The following SLC9B1 variants were observed in gnomAD, a reference collection of about 807,000 sequenced individuals.
SLC9B1 encodes the protein solute carrier family 9 member B1.
Under a neutral mutation model 51.7 loss-of-function variants are expected in SLC9B1, and 32 were observed. The ratio of observed to expected loss-of-function variants is 0.62; its 90% CI spans 0.47 to 0.83. The LOEUF is 0.83. SLC9B1 is among the 40% of genes least tolerant of loss of function. SLC9B1 has a pLI of 0.00. For missense variants in SLC9B1, 406 were observed against 613.2 expected, an observed-to-expected ratio of 0.66 and a Z score of 3.57; for synonymous variants, 145 against 212.7, an observed-to-expected ratio of 0.68 and a Z score of 2.77.
At chr4:102,936,521 T>G (rs1337141831) in intron 6 of SLC9B1, among the ~76,000 whole-genome samples, 1 of 152,140 alleles carries the variant, frequency 6.6e-6, no homozygotes, top group Admixed American at 6.5e-5. Flanking sequence ...TAAGATGACA[T>G]AAGAGCTGAA....
chr4:103,009,634 T>G (rs1026853972), intron 1 of SLC9B1, among the ~76,000 whole-genome samples: 4 of 152,236 alleles, frequency 2.6e-5, no homozygotes, highest in Admixed American at 2.6e-4. Flanking sequence ...ATATAGTCTA[T>G]TCTCTTATCT....
At chr4:102,941,638 T>G (rs1485440821) in intron 6 of SLC9B1, among the ~76,000 whole-genome samples, 2 of 36,158 alleles carry the variant, frequency 5.5e-5, no homozygotes, top group Non-Finnish European at 8.5e-5. Flanking sequence ...AGACTCCGTC[T>G]CAAAAAAAAA....
Position 102,932,309 on chromosome 4 carries a change from A to G in SLC9B1, c.654-10T>C. On this transcript the variant is annotated splice_polypyrimidine_tract_variant and intron_variant, in intron 6 of 11. Transcript: ENST00000296422. Reference sequence around the variant, plus strand: ...AGCACCTAGAACAAAACTGAAAGAAAGAATGAAAATTAATTTAAAAGCATC... The same window carrying G: ...AGCACCTAGAACAAAACTGAAAGAAGGAATGAAAATTAATTTAAAAGCATC... The G allele has an allele frequency of 6.2e-7, 1 of 1,607,162 alleles. No individual in the cohort carries two copies. The highest frequency in any genetic ancestry group is 8.5e-7 in the Non-Finnish European group (1 of 1,177,222).
intron 3 of SLC9B1, among the ~76,000 whole-genome samples, chr4:102,984,052 G>T (rs572683891): frequency 2.0e-5 from 3 of 151,662 alleles, no homozygotes; most frequent in Admixed American, 2.0e-4. Flanking sequence ...CATTGCTTTT[G>T]CTGCATCCCA....
At chr4:102,904,030 T>C (rs1734908684) in intron 11 of SLC9B1, among the ~76,000 whole-genome samples, 1 of 152,020 alleles carries the variant, frequency 6.6e-6, no homozygotes, top group South Asian at 2.1e-4. Flanking sequence ...AAAGTATTTT[T>C]TAAAAAATCA....
Position 103,019,657 on chromosome 4 carries a change from T to G in SLC9B1, c.-60A>C, listed in dbSNP as rs1009468029. The G allele has an allele frequency of 8.1e-5, 80 of 985,374 alleles. No individual in the cohort carries two copies. The highest frequency in any genetic ancestry group is 1.3e-5 in the Non-Finnish European group (11 of 829,962). 61.0% of individuals were successfully genotyped at this position (985,374 alleles called of 1,614,324 possible). A position where few individuals can be genotyped will look rare whatever the true frequency, so the allele number is the denominator to read the frequency against. ...GAGCGGCCCAGGAGCCCAGTGACCGTTGCGTAAGCCACGCGCCACCCAGGT... is the reference window on the plus strand; with the variant it reads ...GAGCGGCCCAGGAGCCCAGTGACCGGTGCGTAAGCCACGCGCCACCCAGGT... On this transcript the variant is annotated 5_prime_UTR_variant, in exon 1 of 12. Transcript: ENST00000296422.
intron 11 of SLC9B1, among the ~76,000 whole-genome samples, chr4:102,901,843 T>C (rs1326759168): frequency 6.6e-6 from 1 of 152,210 alleles, no homozygotes; most frequent in Non-Finnish European, 1.5e-5. Flanking sequence ...GTTTGAATTC[T>C]ATTTTTGCTG....
intron 3 of SLC9B1, among the ~76,000 whole-genome samples, chr4:102,955,809 AAAC>A (rs1737755860): frequency 1.3e-5 from 2 of 151,366 alleles, no homozygotes; most frequent in Admixed American, 6.6e-5. Context: ...AGAGAGAGAG[AAAC>A]AACAAACAAA....
intron 7 of SLC9B1, among the ~76,000 whole-genome samples, chr4:102,926,709 G>T (rs991217666): frequency 6.6e-6 from 1 of 152,056 alleles, no homozygotes; most frequent in Non-Finnish European, 1.5e-5. Flanking sequence ...TCCCCATCAA[G>T]CTACTAATGA....
intron 3 of SLC9B1, among the ~76,000 whole-genome samples, chr4:102,972,285 A>C (rs1226995152): frequency 6.6e-6 from 1 of 152,232 alleles, no homozygotes; most frequent in Non-Finnish European, 1.5e-5. Context: ...CAAAGAGCTT[A>C]ACCACCACTA....
intron 5 of SLC9B1, among the ~76,000 whole-genome samples, chr4:102,945,663 G>T (rs1306646744): frequency 6.6e-6 from 1 of 151,980 alleles, no homozygotes; most frequent in African/African-American, 2.4e-5. Flanking sequence ...TTTTTGATAT[G>T]AACTGTTTGA....
rs754801733 is a variant in SLC9B1, at chr4:102,937,412, T to TA, written c.654-5114dup. 8.6e-3 allele frequency among the ~76,000 whole-genome samples: 387 copies of TA among 45,232 alleles called. 4 individuals carry two copies. Among genetic ancestry groups the TA allele is most frequent in the African/African-American group, 0.025 (216 of 8,642 alleles). 29.7% of individuals were successfully genotyped at this position (45,232 alleles called of 152,430 possible). On this transcript the variant is annotated intron_variant, in intron 6 of 11. Transcript: ENST00000296422. The stretch of plus-strand genomic sequence containing the variant: ...CACCATGCCTGGCCTTCAGCATTCT[T>TA]AAAAAAAAAAAAAAAAAAAAAAAAA...
intron 9 of SLC9B1, among the ~76,000 whole-genome samples, chr4:102,908,144 G>A (rs1735144934): frequency 6.6e-6 from 1 of 152,306 alleles, no homozygotes; most frequent in South Asian, 2.1e-4. Context: ...AAACTGCAGT[G>A]ATTTAAAACA....
chr4:102,889,009 T>C (rs1415936655), intron 11 of SLC9B1: 1 of 152,114 alleles, frequency 6.6e-6, no homozygotes. Flanking sequence ...TAAAACTAAT[T>C]GTTATTGGGC....
chr4:102,951,115 A>G (rs1737532229), intron 3 of SLC9B1, among the ~76,000 whole-genome samples: 1 of 152,222 alleles, frequency 6.6e-6, no homozygotes, highest in Non-Finnish European at 1.5e-5. Context: ...TCTGGGTGGC[A>G]AAGTCTTTTT....
intron 3 of SLC9B1, among the ~76,000 whole-genome samples, chr4:102,980,679 G>A (rs1739305803): frequency 1.3e-5 from 2 of 152,024 alleles, no homozygotes; most frequent in Middle Eastern, 3.4e-3. Context: ...AACCACCATC[G>A]CACATGTTTA....
At chr4:102,902,393 G>A (rs886646714) in intron 11 of SLC9B1, among the ~76,000 whole-genome samples, 6 of 151,994 alleles carry the variant, frequency 3.9e-5, no homozygotes, top group African/African-American at 9.7e-5. Flanking sequence ...TTTTTATATC[G>A]TAACTTTTAA....
At chr4:102,921,257 C>T (rs1218781373) in intron 7 of SLC9B1, among the ~76,000 whole-genome samples, 3 of 152,174 alleles carry the variant, frequency 2.0e-5, no homozygotes, top group Admixed American at 2.0e-4. Flanking sequence ...GGCCAATATT[C>T]AACACTCTTA....
intron 3 of SLC9B1, among the ~76,000 whole-genome samples, chr4:102,982,596 C>A (rs1481820582): frequency 6.6e-6 from 1 of 151,920 alleles, no homozygotes; most frequent in Non-Finnish European, 1.5e-5. Context: ...TCAAATAGAT[C>A]TTGTATATAT....
Sources: gnomAD v4.1 joint callset for allele counts (sites outside exome capture counted in the v4.1 genomes callset) on GRCh38, gnomAD v4.1.1 for gene constraint, MANE v1.5 for transcripts, NCBI Gene and HGNC (gene_info 2026-07-23, HGNC 2026-07-21) for gene names.